GREB1L: variants seen among roughly 807,000 people sequenced by gnomAD.
GREB1L encodes the protein GREB1-like protein.
Under a neutral mutation model 200.8 loss-of-function variants are expected in GREB1L, and 17 were observed. The ratio of observed to expected loss-of-function variants is 0.08; its 90% CI spans 0.06 to 0.13. The LOEUF (loss-of-function observed/expected upper bound fraction) is 0.13. Among genes scored for constraint, GREB1L ranks in the 10% least tolerant of loss-of-function variants. GREB1L has a pLI of 1.00. For synonymous variants in GREB1L, 789 were observed against 893.0 expected, an observed-to-expected ratio of 0.88 and a Z score of 2.08; for missense variants, 1,657 against 2,367.7, an observed-to-expected ratio of 0.70 and a Z score of 6.23.
At chr18:21,316,030 T>C (rs2038863177) in intron 1 of GREB1L, among the ~76,000 whole-genome samples, 1 of 152,056 alleles carries the variant, frequency 6.6e-6, no homozygotes, top group African/African-American at 2.4e-5. Context: ...AGCAGCACCT[T>C]TTCATCGTGG....
intron 1 of GREB1L, among the ~76,000 whole-genome samples, chr18:21,308,847 T>A (rs1217633461): frequency 6.6e-6 from 1 of 152,184 alleles, no homozygotes; most frequent in African/African-American, 2.4e-5. Flanking sequence ...TAAGCAGAAA[T>A]CATCAGCTTG....
intron 23 of GREB1L, among the ~76,000 whole-genome samples, chr18:21,501,622 G>A (rs2036797335): frequency 6.6e-6 from 1 of 152,142 alleles, no homozygotes; most frequent in South Asian, 2.1e-4. Context: ...TAGATTAATT[G>A]CCTAGATGGT....
At chr18:21,432,867 C>T (rs1177189884) in intron 7 of GREB1L, among the ~76,000 whole-genome samples, 15 of 151,754 alleles carry the variant, frequency 9.9e-5, no homozygotes, top group East Asian at 5.8e-4. Flanking sequence ...CCACCACACC[C>T]GGCTAATTTT....
intron 1 of GREB1L, among the ~76,000 whole-genome samples, chr18:21,277,179 C>T (rs755869134): frequency 6.9e-4 from 105 of 152,210 alleles, no homozygotes; most frequent in African/African-American, 2.2e-3. Flanking sequence ...CCGCCTGCCT[C>T]GGCCTCCCAA....
intron 1 of GREB1L, among the ~76,000 whole-genome samples, chr18:21,248,050 AT>A (rs562759593): frequency 6.9e-4 from 105 of 152,292 alleles, no homozygotes; most frequent in African/African-American, 2.4e-3. Context: ...ATCATAAATC[AT>A]TTTTGCATGC....
chr18:21,296,250 TA>T (rs1461917175), intron 1 of GREB1L, among the ~76,000 whole-genome samples: 1 of 152,220 alleles, frequency 6.6e-6, no homozygotes, highest in Admixed American at 6.5e-5. Flanking sequence ...TACACAGCCA[TA>T]AAAAAGCATG....
At chr18:21,456,154 CCTCAGCCTCCCAA>C (rs1225421226) in intron 15 of GREB1L, among the ~76,000 whole-genome samples, 1 of 152,080 alleles carries the variant, frequency 6.6e-6, no homozygotes, top group Non-Finnish European at 1.5e-5. Context: ...GATCCACCAG[CCTCAGCCTCCCAA>C]AGTGCTGGGA....
intron 16 of GREB1L, 110 bp from the exon 17 acceptor site, chr18:21,477,054 T>C (rs911619055): frequency 7.7e-5 from 54 of 702,540 alleles, no homozygotes; most frequent in Non-Finnish European, 1.1e-4. Flanking sequence ...CTGCTCCCAA[T>C]TGAAAAGAGA....
chr18:21,391,831 C>A (rs1335609102), intron 4 of GREB1L, among the ~76,000 whole-genome samples: 2 of 152,146 alleles, frequency 1.3e-5, no homozygotes, highest in Non-Finnish European at 2.9e-5. Flanking sequence ...TATTTTGAGA[C>A]AGAGTTTCAC....
chr18:21,477,943 T>C (rs1465405274), intron 17 of GREB1L, among the ~76,000 whole-genome samples: 1 of 152,240 alleles, frequency 6.6e-6, no homozygotes, highest in Admixed American at 6.5e-5. Flanking sequence ...TTATCTGTCG[T>C]ATATAATTTT....
chr18:21,403,824 A>G, intron 6 of GREB1L, 48 bp from the exon 7 acceptor site: 1 of 1,514,420 alleles, frequency 6.6e-7, no homozygotes, highest in Non-Finnish European at 9.0e-7. Flanking sequence ...CACCTGTTTT[A>G]ACAGAACATT....
intron 4 of GREB1L, among the ~76,000 whole-genome samples, chr18:21,387,924 C>T (rs1279993850): frequency 1.3e-5 from 2 of 152,134 alleles, no homozygotes; most frequent in African/African-American, 4.8e-5. Flanking sequence ...TGTTTTTACT[C>T]TCGTAGGGAT....
intron 28 of GREB1L, among the ~76,000 whole-genome samples, 177 bp from the exon 29 acceptor site, chr18:21,515,240 T>C (rs1254705072): frequency 1.3e-5 from 2 of 152,184 alleles, no homozygotes; most frequent in Non-Finnish European, 2.9e-5. Context: ...TTCTTTATAA[T>C]AGTGACAGGC....
chr18:21,462,672 A>G (rs2035095050), intron 15 of GREB1L, among the ~76,000 whole-genome samples: 1 of 152,146 alleles, frequency 6.6e-6, no homozygotes, highest in Non-Finnish European at 1.5e-5. Flanking sequence ...CTGGTCTCGA[A>G]CCACTGACCT....
At chr18:21,517,967 G>A (rs1598962422) in intron 30 of GREB1L, 67 bp from the exon 31 acceptor site, 1 of 1,238,498 alleles carries the variant, frequency 8.1e-7, no homozygotes, top group African/African-American at 1.5e-5. Flanking sequence ...ATACACTTCA[G>A]TGTTTCCTCA....
intron 7 of GREB1L, among the ~76,000 whole-genome samples, chr18:21,419,163 T>G (rs1250558036): frequency 6.6e-6 from 1 of 152,206 alleles, no homozygotes; most frequent in East Asian, 1.9e-4. Context: ...TATAGTGGGC[T>G]ATACTGTCTA....
intron 2 of GREB1L, among the ~76,000 whole-genome samples, chr18:21,381,866 CATG>C (rs1438045348): frequency 1.3e-5 from 2 of 152,126 alleles, no homozygotes; most frequent in African/African-American, 4.8e-5. Flanking sequence ...GGAATGTAGA[CATG>C]ATGCTTTGGT....
At chr18:21,429,291 CCCTCTCCTCTCCTCTCCTCT>C (rs911355646) in intron 7 of GREB1L, among the ~76,000 whole-genome samples, 2 of 119,020 alleles carry the variant, frequency 1.7e-5, no homozygotes, top group East Asian at 2.7e-4. Context: ...TCCTCCCCTC[CCCTCTCCTCTCCTCTCCTCT>C]CCTCTCCTCT....
In GREB1L at chr18:21,301,429, CTT is replaced by C. The variant is rs1213044680; in HGVS notation, c.-120+59037_-120+59038del. On this transcript the variant is annotated intron_variant, in intron 1 of 32. Transcript: ENST00000424526. ...AGGCTTTCATGGAGCCCAGTTACCC[CTT>C]CCCAGTTACCCCTTTTAGCAAATGA... 3.9e-5 allele frequency among the ~76,000 whole-genome samples: 6 copies of C among 152,288 alleles called. No individual in the cohort carries two copies. The East Asian group carries it at 1.2e-3, about 29-fold the overall frequency.
Sources: gnomAD v4.1 joint callset for allele counts (sites outside exome capture counted in the v4.1 genomes callset) on GRCh38, gnomAD v4.1.1 for gene constraint, MANE v1.5 for transcripts, NCBI Gene and HGNC (gene_info 2026-07-23, HGNC 2026-07-21) for gene names.